ZNF236: variants seen among roughly 807,000 people sequenced by gnomAD.
ZNF236 encodes the protein regulated by glucose.
ZNF236 carries 50 observed loss-of-function variants against 191.2 expected under a neutral mutation model. The observed-to-expected ratio is 0.26, with a 90% CI of 0.21 to 0.33. ZNF236 has a LOEUF of 0.33. ZNF236 is among the 10% of genes least tolerant of loss of function. The pLI is 1.00. For synonymous variants in ZNF236, 907 were observed against 928.8 expected, an observed-to-expected ratio of 0.98 and a Z score of 0.43; for missense variants, 1,754 against 2,374.5, an observed-to-expected ratio of 0.74 and a Z score of 5.43.
intron 3 of ZNF236, among the ~76,000 whole-genome samples, chr18:76,866,171 G>A (rs1397008758): frequency 1.3e-5 from 2 of 152,174 alleles, no homozygotes; most frequent in Non-Finnish European, 2.9e-5. Flanking sequence ...ACACATGCAT[G>A]CCCACACACA....
intron 26 of ZNF236, among the ~76,000 whole-genome samples, chr18:76,942,756 C>T (rs568130775): frequency 4.0e-5 from 6 of 150,292 alleles, no homozygotes; most frequent in East Asian, 4.0e-4. Context: ...CCTCGTGATC[C>T]GCCCGCCTTG....
At chr18:76,846,642 T>C (rs1975691192) in intron 1 of ZNF236, among the ~76,000 whole-genome samples, 1 of 152,238 alleles carries the variant, frequency 6.6e-6, no homozygotes, top group African/African-American at 2.4e-5. Context: ...AGTTTGTGTC[T>C]GAACCAAATT....
intron 12 of ZNF236, 119 bp from the exon 13 acceptor site, chr18:76,905,036 C>T (rs1977701485): frequency 1.8e-6 from 2 of 1,127,696 alleles, no homozygotes; most frequent in East Asian, 5.1e-5. Context: ...TCCGGCATTG[C>T]TGCTTAGCTT....
At chr18:76,886,255 G>A (rs1344526434) in intron 9 of ZNF236, 1 of 152,212 alleles carries the variant, frequency 6.6e-6, no homozygotes, top group Non-Finnish European at 1.5e-5. Flanking sequence ...TGTTTCTTGA[G>A]AGATCTGACA....
At position 76,880,898 on chromosome 18, in the gene ZNF236, ATCTCAGGGTG is replaced by A. The variant is rs1377663988; in HGVS notation, c.1189-383_1189-374del. On this transcript the variant is annotated intron_variant, in intron 8 of 30. Coordinates refer to ENST00000320610, the MANE Select transcript of ZNF236 (RefSeq NM_001306089.2). The surrounding 1 kb of genome is among the most constrained non-coding windows in gnomAD (Gnocchi z 5.0). ...GAAGAGCTGGCCAGGGGTATGAGGA[ATCTCAGGGTG>A]TCGTTCTACAGCCGATACCTGAAAG... Among the ~76,000 whole-genome samples, 3 of 152,186 alleles carry A rather than the reference ATCTCAGGGTG, an allele frequency of 2.0e-5. No homozygotes were observed. Among genetic ancestry groups the A allele is most frequent in the Non-Finnish European group, 2.9e-5 (2 of 68,026 alleles).
intron 19 of ZNF236, among the ~76,000 whole-genome samples, chr18:76,918,706 C>T (rs568876643): frequency 6.6e-6 from 1 of 152,232 alleles, no homozygotes; most frequent in South Asian, 2.1e-4. Flanking sequence ...AGGCGCGCGC[C>T]CCCATGCCTG....
chr18:76,929,955 T>C (rs1967802588), intron 25 of ZNF236, among the ~76,000 whole-genome samples: 1 of 152,262 alleles, frequency 6.6e-6, no homozygotes, highest in Non-Finnish European at 1.5e-5. Context: ...AGGCAGTTCA[T>C]GAGTCCTAGC....
At chr18:76,877,328 G>A (rs945465181) in intron 6 of ZNF236, among the ~76,000 whole-genome samples, 1 of 151,984 alleles carries the variant, frequency 6.6e-6, no homozygotes, top group Non-Finnish European at 1.5e-5. Context: ...GGCCAACATG[G>A]CAAAACCCCA....
chr18:76,943,724 G>C (rs1037736280), intron 26 of ZNF236, among the ~76,000 whole-genome samples: 2 of 152,218 alleles, frequency 1.3e-5, no homozygotes, highest in African/African-American at 4.8e-5. Context: ...CAAGTTAGTT[G>C]TAAGTTTAAC....
At chr18:76,842,665 C>T (rs140288224) in intron 1 of ZNF236, among the ~76,000 whole-genome samples, 68 of 151,890 alleles carry the variant, frequency 4.5e-4, no homozygotes, top group African/African-American at 1.5e-3. Context: ...GCAGGAGAAT[C>T]GCTTGAACCC....
At chr18:76,967,069 G>C (rs1022308468) in intron 30 of ZNF236, among the ~76,000 whole-genome samples, 14 of 144,136 alleles carry the variant, frequency 9.7e-5, no homozygotes, top group African/African-American at 2.9e-4. Context: ...CGTGAGATGT[G>C]TTATTTGGTT....
At chr18:76,905,659 T>G (rs1001840211) in intron 13 of ZNF236, among the ~76,000 whole-genome samples, 3 of 150,698 alleles carry the variant, frequency 2.0e-5, no homozygotes, top group African/African-American at 7.3e-5. Flanking sequence ...ATGAAGTAGT[T>G]TATATTCTGT....
At chr18:76,888,219 C>T (rs556352829) in intron 9 of ZNF236, among the ~76,000 whole-genome samples, 30 of 152,206 alleles carry the variant, frequency 2.0e-4, no homozygotes, top group African/African-American at 2.9e-4. Flanking sequence ...AAAAATTAGC[C>T]GGGCATGGTG....
At chr18:76,837,140 G>GACC (rs1975358167) in intron 1 of ZNF236, among the ~76,000 whole-genome samples, 1 of 30,374 alleles carries the variant, frequency 3.3e-5, no homozygotes, top group East Asian at 8.3e-4. Flanking sequence ...CCCCCCCCCC[G>GACC]CCCCGCAAGC....
intron 1 of ZNF236, among the ~76,000 whole-genome samples, chr18:76,829,934 G>A (rs1024598082): frequency 3.3e-5 from 5 of 152,158 alleles, no homozygotes; most frequent in Admixed American, 3.3e-4. Flanking sequence ...TCAGTGGTGC[G>A]ATCTCCACTC....
intron 30 of ZNF236, 110 bp from the exon 31 acceptor site, chr18:76,968,105 A>G (rs1227057754): frequency 5.4e-5 from 76 of 1,405,338 alleles, no homozygotes; most frequent in Non-Finnish European, 7.3e-5. Context: ...AAAGCAAATT[A>G]CTTTAGAAAT....
chr18:76,896,123 G>T (rs1008208078), intron 10 of ZNF236, among the ~76,000 whole-genome samples: 3 of 139,416 alleles, frequency 2.2e-5, no homozygotes, highest in Non-Finnish European at 4.7e-5. Flanking sequence ...TATACCACAC[G>T]CAAGTACAGC....
At chr18:76,903,361 G>T (rs960583823) in intron 11 of ZNF236, among the ~76,000 whole-genome samples, 1 of 152,238 alleles carries the variant, frequency 6.6e-6, no homozygotes, top group African/African-American at 2.4e-5. Flanking sequence ...CCCAGCCTTA[G>T]GGACCAGAAG....
chr18:76,908,975 G>C (rs1235156485), intron 14 of ZNF236, among the ~76,000 whole-genome samples: 2 of 23,794 alleles, frequency 8.4e-5, no homozygotes, highest in Non-Finnish European at 5.8e-4. Flanking sequence ...GTGTGTGTGT[G>C]TGTGTGTGTG....
Sources: gnomAD v4.1 joint callset for allele counts (sites outside exome capture counted in the v4.1 genomes callset) on GRCh38, gnomAD v4.1.1 for gene constraint, Gnocchi (gnomAD v3.1) non-coding constraint, MANE v1.5 for transcripts, NCBI Gene and HGNC (gene_info 2026-07-23, HGNC 2026-07-21) for gene names.